STX2: variants seen among roughly 807,000 people sequenced by gnomAD.
STX2 encodes syntaxin-2.
In STX2, 27 loss-of-function variants were observed where a neutral mutation model predicts 40.6. The ratio of observed to expected loss-of-function variants is 0.66; its 90% confidence interval spans 0.49 to 0.92. The LOEUF is 0.92. Ranked by LOEUF, STX2 falls within the 40% of genes least tolerant of loss-of-function variation. The pLI is 0.00. For missense variants in STX2, 328 were observed against 366.1 expected, an observed-to-expected ratio of 0.90 and a Z score of 0.85; for synonymous variants, 123 against 119.1, an observed-to-expected ratio of 1.03 and a Z score of -0.22.
At chr12:130,806,354 T>C (rs1951433475) in intron 6 of STX2, among the ~76,000 whole-genome samples, 1 of 152,162 alleles carries the variant, frequency 6.6e-6, no homozygotes, top group South Asian at 2.1e-4. Context: ...GCAGGCAACC[T>C]GAGGCTCATG....
At chr12:130,806,583 T>C (rs1477814757) in intron 6 of STX2, among the ~76,000 whole-genome samples, 1 of 152,128 alleles carries the variant, frequency 6.6e-6, no homozygotes, top group African/African-American at 2.4e-5. Context: ...ACTGTCCCCA[T>C]AGACACCCCT....
chr12:130,809,843 A>G (rs936421364), intron 4 of STX2, among the ~76,000 whole-genome samples: 1 of 152,124 alleles, frequency 6.6e-6, no homozygotes, highest in Non-Finnish European at 1.5e-5. Flanking sequence ...CAGAGGAAAA[A>G]CTATTCAAAG....
intron 6 of STX2, among the ~76,000 whole-genome samples, chr12:130,805,535 C>G (rs1338090466): frequency 6.6e-6 from 1 of 152,216 alleles, no homozygotes; most frequent in Non-Finnish European, 1.5e-5. Context: ...CCCGCATGCT[C>G]ACTGGAGTGC....
At chr12:130,799,870 T>C (rs1951160696) in intron 8 of STX2, among the ~76,000 whole-genome samples, 1 of 151,478 alleles carries the variant, frequency 6.6e-6, no homozygotes. Context: ...ATTCTCATTA[T>C]AAAGTTCTTC....
At chr12:130,817,107 GA>G (rs995975790) in intron 3 of STX2, among the ~76,000 whole-genome samples, 93 of 137,268 alleles carry the variant, frequency 6.8e-4, no homozygotes, top group Middle Eastern at 3.7e-3. Context: ...GGCAAACAAA[GA>G]AAAAAAAAAA....
At chr12:130,835,157 C>T (rs1453086358) in intron 1 of STX2, among the ~76,000 whole-genome samples, 3 of 152,226 alleles carry the variant, frequency 2.0e-5, no homozygotes, top group Admixed American at 6.5e-5. Flanking sequence ...GGTGCAGCGG[C>T]ACGCGCCTGT....
chr12:130,836,720 G>A (rs1952766280), intron 1 of STX2, among the ~76,000 whole-genome samples: 1 of 152,150 alleles, frequency 6.6e-6, no homozygotes, highest in East Asian at 1.9e-4. Context: ...CCTCTATGAG[G>A]TGGACAAGAG....
intron 1 of STX2, among the ~76,000 whole-genome samples, chr12:130,838,788 T>A (rs1174034359): frequency 6.6e-6 from 1 of 151,594 alleles, no homozygotes; most frequent in Admixed American, 6.6e-5. Context: ...CCCCGCTCCC[T>A]CCTCCTGCCC....
At chr12:130,813,951 C>T (rs1279912791) in intron 3 of STX2, among the ~76,000 whole-genome samples, 1 of 152,174 alleles carries the variant, frequency 6.6e-6, no homozygotes, top group East Asian at 1.9e-4. Flanking sequence ...ACGTTTCTGC[C>T]GTAGACAACT....
chr12:130,819,901 C>G (rs558437124), intron 3 of STX2, among the ~76,000 whole-genome samples: 1 of 152,176 alleles, frequency 6.6e-6, no homozygotes, highest in Non-Finnish European at 1.5e-5. Context: ...GCTCATGAGA[C>G]GGCGGCTCCA....
chr12:130,808,574 A>G, intron 5 of STX2, 57 bp downstream of exon 5: 1 of 1,447,920 alleles, frequency 6.9e-7, no homozygotes, highest in Non-Finnish European at 9.6e-7. Flanking sequence ...TGCAAGAAGA[A>G]AGTAAAAACA....
chr12:130,806,132 G>A (rs1168271583), intron 6 of STX2, among the ~76,000 whole-genome samples: 1 of 152,222 alleles, frequency 6.6e-6, no homozygotes, highest in East Asian at 1.9e-4. Context: ...TAAAACATGA[G>A]GAGCCTCGCT....
chr12:130,814,356 G>A (rs1951775881), intron 3 of STX2, among the ~76,000 whole-genome samples: 1 of 152,160 alleles, frequency 6.6e-6, no homozygotes, highest in South Asian at 2.1e-4. Context: ...GCAGCGAGGA[G>A]GAGAAGCGTC....
intron 1 of STX2, 129 bp downstream of exon 1, chr12:130,838,940 GC>G: frequency 5.7e-6 from 4 of 698,892 alleles, no homozygotes; most frequent in South Asian, 4.4e-5. Flanking sequence ...CGCAGCCCCC[GC>G]CCCAGAACGC....
chr12:130,839,217 C>T lies in STX2; in HGVS notation c.-118G>A. ...CGCGGTCCCGGCCCGGCGCCAGCAG[C>T]CCTCCCTGGAGCCGGCGCTGCCACG... On this transcript the variant is annotated 5_prime_UTR_variant, in exon 1 of 11. Coordinates refer to ENST00000392373, the MANE Select transcript of STX2 (RefSeq NM_194356.4). The T allele has an allele frequency of 1.4e-5, 13 of 928,234 alleles. No homozygotes were observed. Among genetic ancestry groups the T allele is most frequent in the Non-Finnish European group, 1.7e-5 (13 of 759,844 alleles). The allele number at this position is 928,234 out of a possible 1,614,324, so 57.5% of individuals were successfully genotyped here.
At chr12:130,838,995 A>AAC in intron 1 of STX2, 75 bp downstream of exon 1, 3 of 1,039,552 alleles carry the variant, frequency 2.9e-6, no homozygotes, top group African/African-American at 1.7e-5. Context: ...CCCGCCCAAG[A>AAC]CGCCCCGAGC....
intron 5 of STX2, among the ~76,000 whole-genome samples, chr12:130,808,126 C>G (rs983848181): frequency 6.6e-6 from 1 of 152,156 alleles, no homozygotes. Flanking sequence ...CTGAGAAATG[C>G]ATGTATAGCT....
intron 3 of STX2, among the ~76,000 whole-genome samples, chr12:130,815,332 C>G (rs1951819215): frequency 6.6e-6 from 1 of 152,172 alleles, no homozygotes; most frequent in Non-Finnish European, 1.5e-5. Flanking sequence ...GCCAGCACCA[C>G]ACAACAAAGA....
intron 6 of STX2, among the ~76,000 whole-genome samples, chr12:130,803,719 G>A (rs960834426): frequency 2.7e-5 from 4 of 148,612 alleles, no homozygotes; most frequent in African/African-American, 5.0e-5. Flanking sequence ...CATGTCTCAC[G>A]TTCACAAAGG....
Sources: allele counts gnomAD v4.1 joint callset (sites outside exome capture counted in the v4.1 genomes callset), GRCh38; gene constraint gnomAD v4.1.1; transcripts MANE v1.5; gene names NCBI Gene and HGNC (gene_info 2026-07-23, HGNC 2026-07-21).